The following PDK1 variants were observed in gnomAD, a reference collection of about 807,000 sequenced individuals.
PDK1 encodes [Pyruvate dehydrogenase (acetyl-transferring)] kinase isozyme 1, mitochondrial.
PDK1 carries 39 observed loss-of-function variants against 54.2 expected under a neutral mutation model. That is an observed-to-expected ratio of 0.72 (90% CI 0.56 to 0.94). The LOEUF is 0.94. PDK1 is among the 40% of genes least tolerant of loss of function. PDK1 has a pLI of 0.00. For synonymous variants in PDK1, 221 were observed against 207.1 expected, an observed-to-expected ratio of 1.07 and a Z score of -0.58; for missense variants, 552 against 566.0, an observed-to-expected ratio of 0.98 and a Z score of 0.25.
At chr2:172,622,267 GAT>G in the PDK1 span, among the ~76,000 whole-genome samples, 16 of 137,366 alleles carry the variant, frequency 1.2e-4, no homozygotes, top group Admixed American at 2.8e-4. Flanking sequence ...TATTATGTGA[GAT>G]ATGTTTATAT....
chr2:172,570,851 T>A, intron 8 of PDK1, 27 bp downstream of exon 8: 4 of 316,814 alleles, frequency 1.3e-5, no homozygotes, highest in Non-Finnish European at 2.0e-5. Context: ...GTTTGTTTTC[T>A]TTTTTTTTTT....
At chr2:172,618,979 T>C in the PDK1 span, among the ~76,000 whole-genome samples, 1 of 152,210 alleles carries the variant, frequency 6.6e-6, no homozygotes, top group Non-Finnish European at 1.5e-5. Flanking sequence ...TGGAGTTAGA[T>C]GCATCGACCC....
chr2:172,615,032 T>G, the PDK1 span, among the ~76,000 whole-genome samples: 1 of 152,176 alleles, frequency 6.6e-6, no homozygotes, highest in Non-Finnish European at 1.5e-5. Flanking sequence ...CTTTGCCTGG[T>G]CTGGCTGCAG....
At chr2:172,591,184 A>T (rs940335614) in intron 9 of PDK1, among the ~76,000 whole-genome samples, 1 of 152,204 alleles carries the variant, frequency 6.6e-6, no homozygotes, top group African/African-American at 2.4e-5. Flanking sequence ...TTTGACAAGG[A>T]GGTTAAAAAT....
chr2:172,717,564 C>CT, the PDK1 span, among the ~76,000 whole-genome samples: 1 of 152,050 alleles, frequency 6.6e-6, no homozygotes, highest in South Asian at 2.1e-4. Context: ...GACTAATTTT[C>CT]TTTTTTTGAG....
the PDK1 span, among the ~76,000 whole-genome samples, chr2:172,650,656 CA>C: frequency 6.7e-5 from 10 of 149,132 alleles, no homozygotes; most frequent in East Asian, 3.9e-4. Flanking sequence ...AAATGGAAAA[CA>C]AAAAAAAAGC....
the PDK1 span, among the ~76,000 whole-genome samples, chr2:172,654,261 T>A: frequency 6.6e-6 from 1 of 152,186 alleles, no homozygotes; most frequent in South Asian, 2.1e-4. Flanking sequence ...CAGCCATCCC[T>A]TTACTGGGCA....
At chr2:172,567,256 T>C (rs1404536296) in intron 6 of PDK1, among the ~76,000 whole-genome samples, 15 of 152,252 alleles carry the variant, frequency 9.9e-5, no homozygotes, top group Admixed American at 9.8e-4. Context: ...TGCACTTCAC[T>C]AATGTAAGAC....
At chr2:172,709,525 C>CA in the PDK1 span, among the ~76,000 whole-genome samples, 3 of 152,186 alleles carry the variant, frequency 2.0e-5, no homozygotes, top group African/African-American at 7.2e-5. Context: ...TTAATTTCAG[C>CA]AAACTTTTCA....
chr2:172,638,313 AAAC>A, the PDK1 span, among the ~76,000 whole-genome samples: 2 of 152,220 alleles, frequency 1.3e-5, no homozygotes, highest in Non-Finnish European at 1.5e-5. Flanking sequence ...CAAGTGAAGA[AAAC>A]AAATTAAAAT....
At chr2:172,714,032 G>A in the PDK1 span, among the ~76,000 whole-genome samples, 14 of 152,340 alleles carry the variant, frequency 9.2e-5, no homozygotes, top group South Asian at 2.9e-3. Flanking sequence ...GGAAATAAAT[G>A]CCTGATTTTA....
chr2:172,586,437 C>T (rs1690233735), intron 9 of PDK1, 49 bp downstream of exon 9: 6 of 1,108,304 alleles, frequency 5.4e-6, no homozygotes, highest in East Asian at 2.4e-5. Flanking sequence ...TTGCCTTCCA[C>T]ATGCTGTAGC....
the PDK1 span, among the ~76,000 whole-genome samples, chr2:172,649,359 A>G: frequency 6.6e-6 from 1 of 152,240 alleles, no homozygotes; most frequent in Non-Finnish European, 1.5e-5. Flanking sequence ...AAAGGTAGAT[A>G]AAACCAAAAA....
At chr2:172,705,121 C>T in the PDK1 span, among the ~76,000 whole-genome samples, 4 of 152,298 alleles carry the variant, frequency 2.6e-5, no homozygotes, top group African/African-American at 7.2e-5. Context: ...ATGGTTGATA[C>T]ACTTTGAGCG....
chr2:172,649,355 A>G, the PDK1 span, among the ~76,000 whole-genome samples: 1 of 152,228 alleles, frequency 6.6e-6, no homozygotes, highest in South Asian at 2.1e-4. Context: ...GACCAAAGGT[A>G]GATAAAACCA....
At chr2:172,592,595 TC>T (rs1416242762) in intron 9 of PDK1, among the ~76,000 whole-genome samples, 2 of 152,148 alleles carry the variant, frequency 1.3e-5, no homozygotes, top group Non-Finnish European at 2.9e-5. Flanking sequence ...CCTGGAGAAG[TC>T]CGCAGACCAA....
At chr2:172,621,519 TAA>T in the PDK1 span, among the ~76,000 whole-genome samples, 2 of 148,842 alleles carry the variant, frequency 1.3e-5, no homozygotes, top group African/African-American at 4.9e-5. Flanking sequence ...TAATACTTAA[TAA>T]ACTCTTCTTT....
chr2:172,627,775 C>T, the PDK1 span, among the ~76,000 whole-genome samples: 1 of 152,126 alleles, frequency 6.6e-6, no homozygotes, highest in African/African-American at 2.4e-5. Flanking sequence ...TATTTGGTTC[C>T]CCTATACAAA....
chr2:172,629,761 A>C, the PDK1 span, among the ~76,000 whole-genome samples: 108,203 of 152,084 alleles, frequency 0.71, 38,941 homozygotes, highest in Non-Finnish European at 0.77. Context: ...AGTCACAGGC[A>C]ACCCCTAGGT....
Sources: allele counts gnomAD v4.1 joint callset (sites outside exome capture counted in the v4.1 genomes callset), GRCh38; gene constraint gnomAD v4.1.1; transcripts MANE v1.5; gene names NCBI Gene and HGNC (gene_info 2026-07-23, HGNC 2026-07-21).